The following RBFOX3 variants were observed in gnomAD, a reference collection of about 807,000 sequenced individuals.
RBFOX3 encodes RNA binding protein fox-1 homolog 3.
A neutral mutation model predicts 48.7 loss-of-function variants in RBFOX3; 17 were observed. That is an observed-to-expected ratio of 0.35 (90% CI 0.24 to 0.52). RBFOX3 has a LOEUF of 0.52. Ranked by LOEUF, RBFOX3 falls within the 20% of genes least tolerant of loss-of-function variation. The pLI is 0.94. For missense variants in RBFOX3, 382 were observed against 497.5 expected, an observed-to-expected ratio of 0.77 and a Z score of 2.21; for synonymous variants, 212 against 209.5, an observed-to-expected ratio of 1.01 and a Z score of -0.10.
chr17:79,470,902 C>A (rs1055986884), intron 2 of RBFOX3, among the ~76,000 whole-genome samples: 2 of 152,124 alleles, frequency 1.3e-5, no homozygotes, highest in Non-Finnish European at 2.9e-5. Context: ...AAAATGTATA[C>A]CTCCAGGGAA....
At chr17:79,209,907 G>A (rs1278489828) in intron 4 of RBFOX3, among the ~76,000 whole-genome samples, 1 of 150,138 alleles carries the variant, frequency 6.7e-6, no homozygotes, top group Non-Finnish European at 1.5e-5. Flanking sequence ...TGAGGCAGGA[G>A]AATGGCGTGA....
chr17:79,101,162 C>T (rs2076360173), intron 9 of RBFOX3, among the ~76,000 whole-genome samples: 1 of 152,174 alleles, frequency 6.6e-6, no homozygotes, highest in African/African-American at 2.4e-5. Context: ...CCCCCCGTGC[C>T]CTCACTGCCC....
chr17:79,138,256 C>T (rs772147817), intron 4 of RBFOX3, among the ~76,000 whole-genome samples: 6 of 152,172 alleles, frequency 3.9e-5, no homozygotes, highest in Non-Finnish European at 7.4e-5. Context: ...GTGCATGCCT[C>T]TACATACCTG....
chr17:79,300,612 G>A (rs566859773), intron 3 of RBFOX3, among the ~76,000 whole-genome samples: 55 of 152,210 alleles, frequency 3.6e-4, no homozygotes, highest in Non-Finnish European at 7.3e-4. Flanking sequence ...CTGGGGCAAC[G>A]TGGACTGGCG....
chr17:79,388,001 CGT>C (rs74638654), intron 2 of RBFOX3, among the ~76,000 whole-genome samples: 41,836 of 151,206 alleles, frequency 0.28, 5,805 homozygotes, highest in East Asian at 0.46. Flanking sequence ...TGAATGTGTA[CGT>C]GTGTGTGTGT....
chr17:79,129,328 C>G (rs994245579), intron 4 of RBFOX3, among the ~76,000 whole-genome samples: 1 of 152,176 alleles, frequency 6.6e-6, no homozygotes, highest in Non-Finnish European at 1.5e-5. Context: ...ATGTAGCAGA[C>G]CTGGGATCTG....
At chr17:79,326,827 C>T (rs1225142572) in intron 2 of RBFOX3, among the ~76,000 whole-genome samples, 4 of 152,248 alleles carry the variant, frequency 2.6e-5, no homozygotes, top group Non-Finnish European at 5.9e-5. Context: ...CAGATTTCTC[C>T]CATTTCTACA....
At chr17:79,115,200 C>A (rs1349090751) in intron 5 of RBFOX3, among the ~76,000 whole-genome samples, 1 of 152,336 alleles carries the variant, frequency 6.6e-6, no homozygotes, top group Non-Finnish European at 1.5e-5. Flanking sequence ...CAGGCCCAGG[C>A]GGCTGGAGGA....
At chr17:79,295,445 T>C (rs146761022) in intron 3 of RBFOX3, among the ~76,000 whole-genome samples, 1,555 of 152,238 alleles carry the variant, frequency 0.01, 29 homozygotes, top group African/African-American at 0.035. Flanking sequence ...GCCGCCTTGG[T>C]GGCTCTGTCC....
chr17:79,225,175 C>T (rs74001697), intron 4 of RBFOX3, among the ~76,000 whole-genome samples: 14,955 of 152,118 alleles, frequency 0.098, 1,090 homozygotes, highest in African/African-American at 0.21. Context: ...ATGGCTTGCA[C>T]AGTCAACCTC....
chr17:79,221,796 G>A (rs531004063), intron 4 of RBFOX3, among the ~76,000 whole-genome samples: 189 of 152,338 alleles, frequency 1.2e-3, no homozygotes, highest in East Asian at 1.4e-3. Flanking sequence ...CAAGGCCGCC[G>A]CCCATAGCTC....
intron 4 of RBFOX3, among the ~76,000 whole-genome samples, chr17:79,121,884 T>C (rs1428239973): frequency 6.6e-6 from 1 of 152,138 alleles, no homozygotes; most frequent in African/African-American, 2.4e-5. Flanking sequence ...TCCCAAAGTT[T>C]TATCTCCATC....
intron 5 of RBFOX3, among the ~76,000 whole-genome samples, chr17:79,107,082 C>G (rs551580786): frequency 6.6e-6 from 1 of 152,232 alleles, no homozygotes; most frequent in Non-Finnish European, 1.5e-5. Context: ...CTCTGTTCCC[C>G]GCTCCCGCAG....
chr17:79,427,033 T>G (rs2067516990), intron 2 of RBFOX3, among the ~76,000 whole-genome samples: 1 of 152,202 alleles, frequency 6.6e-6, no homozygotes, highest in Non-Finnish European at 1.5e-5. Flanking sequence ...TTTATTTATC[T>G]GCAGAAGCAG....
chr17:79,177,755 T>C (rs1053248056), intron 4 of RBFOX3, among the ~76,000 whole-genome samples: 5 of 152,192 alleles, frequency 3.3e-5, no homozygotes. Context: ...AACTGGTACA[T>C]GATTCAAACC....
chr17:79,545,081 GCA>G (rs2090234501), intron 1 of RBFOX3, among the ~76,000 whole-genome samples: 1 of 151,974 alleles, frequency 6.6e-6, no homozygotes, highest in Non-Finnish European at 1.5e-5. Flanking sequence ...GGGGGAAGGA[GCA>G]CAGGAAGGGG....
chr17:79,363,915 C>T lies in RBFOX3; in HGVS notation c.-174-56091G>A, dbSNP rs1005093593. ...CTCCCCACCTCGTCCCCCTCACCCA[C>T]TCCACTCCAGCCACCCTGGCCTCCA... On this transcript the variant is annotated intron_variant, in intron 2 of 14. Coordinates refer to ENST00000693108, the MANE Select transcript of RBFOX3 (RefSeq NM_001350451.2). The surrounding 1 kb of genome is among the most constrained non-coding windows in gnomAD (Gnocchi z 4.7). Among the ~76,000 whole-genome samples the T allele has an allele frequency of 3.3e-5, 5 of 152,190 alleles. No homozygotes were observed. The highest frequency in any genetic ancestry group is 2.0e-4 in the Admixed American group (3 of 15,280).
intron 3 of RBFOX3, among the ~76,000 whole-genome samples, chr17:79,288,855 G>T (rs553161054): frequency 1.3e-5 from 2 of 151,788 alleles, no homozygotes; most frequent in African/African-American, 2.4e-5. Flanking sequence ...ATAGGGAGAA[G>T]TAGAGTGTTC....
chr17:79,490,364 G>A (rs1021594457), intron 1 of RBFOX3, among the ~76,000 whole-genome samples: 240 of 152,326 alleles, frequency 1.6e-3, no homozygotes, highest in East Asian at 5.8e-3. Context: ...AATTTGGGAA[G>A]CAATTTTCCC....
Sources: allele counts gnomAD v4.1 joint callset (sites outside exome capture counted in the v4.1 genomes callset), GRCh38; gene constraint gnomAD v4.1.1; non-coding constraint Gnocchi (gnomAD v3.1); transcripts MANE v1.5; gene names NCBI Gene and HGNC (gene_info 2026-07-23, HGNC 2026-07-21).